CEPT1: variants seen among roughly 807,000 people sequenced by gnomAD.
CEPT1 encodes the protein choline/ethanolaminephosphotransferase 1.
A neutral mutation model predicts 42.6 loss-of-function variants in CEPT1; 7 were observed. The ratio of observed to expected loss-of-function variants is 0.16; its 90% CI spans 0.09 to 0.31. The LOEUF is 0.31. CEPT1 is among the 10% of genes least tolerant of loss of function. The pLI, the probability that CEPT1 is intolerant of heterozygous loss-of-function variation, is 1.00. For synonymous variants in CEPT1, 171 were observed against 171.9 expected (o/e 0.99, Z 0.04); for missense variants, 306 against 502.1 (o/e 0.61, Z 3.73).
chr1:111,160,162 G>C (rs1655793347), intron 3 of CEPT1: 2 of 152,114 alleles, frequency 1.3e-5, no homozygotes, highest in Non-Finnish European at 2.9e-5. Context: ...AGCAATAACT[G>C]AGTTACTCTG....
chr1:111,160,745 T>A (rs1655823673), intron 3 of CEPT1: 1 of 159,498 alleles, frequency 6.3e-6, no homozygotes, highest in East Asian at 1.9e-4. Flanking sequence ...AATATCTGTT[T>A]AAAAAAAAAA....
At chr1:111,181,928 A>G (rs187901172) in intron 5 of CEPT1, 13 of 246,478 alleles carry the variant, frequency 5.3e-5, no homozygotes, top group Non-Finnish European at 8.5e-5. Flanking sequence ...AGCTTGTGAC[A>G]CAAGTTAATA....
chr1:111,177,733 T>A (rs1656755890), intron 5 of CEPT1, among the ~76,000 whole-genome samples: 1 of 152,212 alleles, frequency 6.6e-6, no homozygotes, highest in Non-Finnish European at 1.5e-5. Flanking sequence ...TTAAATTATA[T>A]GTTTTATCTG....
chr1:111,182,745 T>C, intron 6 of CEPT1, 54 bp from the exon 7 acceptor site: 1 of 1,438,584 alleles, frequency 7.0e-7, no homozygotes, highest in South Asian at 1.3e-5. Flanking sequence ...AGCAGATCCA[T>C]GTAGTATCTG....
intron 5 of CEPT1, 119 bp downstream of exon 5, chr1:111,175,082 A>G: frequency 4.4e-6 from 3 of 683,558 alleles, no homozygotes. Flanking sequence ...TTTTCCAAAC[A>G]GTAGAACACA....
chr1:111,183,640 G>A, intron 8 of CEPT1, 53 bp downstream of exon 8: 1 of 1,544,678 alleles, frequency 6.5e-7, no homozygotes, highest in South Asian at 1.2e-5. Context: ...AAGGTTGCTT[G>A]TTTTCTTATT....
At chr1:111,152,646 G>A (rs1403027845) in intron 2 of CEPT1, among the ~76,000 whole-genome samples, 2 of 152,160 alleles carry the variant, frequency 1.3e-5, no homozygotes, top group Non-Finnish European at 2.9e-5. Flanking sequence ...CTAAATTCAG[G>A]TTAGTGGGTA....
At chr1:111,173,631 A>C (rs1345148683) in intron 4 of CEPT1, among the ~76,000 whole-genome samples, 1 of 152,240 alleles carries the variant, frequency 6.6e-6, no homozygotes, top group East Asian at 1.9e-4. Context: ...AAAGGTATAC[A>C]GTGAAAAGTC....
intron 4 of CEPT1, among the ~76,000 whole-genome samples, chr1:111,163,166 C>T (rs989106894): frequency 1.3e-5 from 2 of 151,984 alleles, no homozygotes; most frequent in Non-Finnish European, 1.5e-5. Flanking sequence ...CGGGGGGAAA[C>T]ACTAGATATA....
At chr1:111,158,902 C>CT (rs149230078) in intron 2 of CEPT1, among the ~76,000 whole-genome samples, 10,547 of 55,316 alleles carry the variant, frequency 0.19, 3,962 homozygotes, top group Non-Finnish European at 0.23. Flanking sequence ...TTTTACAATT[C>CT]TTTTTTTTTT....
intron 1 of CEPT1, among the ~76,000 whole-genome samples, chr1:111,145,243 T>G (rs1557919492): frequency 2.6e-5 from 4 of 152,218 alleles, no homozygotes; most frequent in Admixed American, 2.6e-4. Context: ...CTCGAACTCC[T>G]GACCTCAGGT....
intron 1 of CEPT1, chr1:111,140,538 C>T (rs1018032152): frequency 1.5e-4 from 23 of 152,296 alleles, no homozygotes; most frequent in Admixed American, 1.2e-3. Context: ...GCCCCCTTGC[C>T]CCTCTGTGGA....
At chr1:111,164,168 A>G (rs192959541) in intron 4 of CEPT1, among the ~76,000 whole-genome samples, 62 of 152,338 alleles carry the variant, frequency 4.1e-4, no homozygotes, top group African/African-American at 1.4e-3. Context: ...ATTTTAATTC[A>G]TCTGTAACTA....
At chr1:111,150,945 G>T (rs1655236956) in intron 2 of CEPT1, among the ~76,000 whole-genome samples, 1 of 152,040 alleles carries the variant, frequency 6.6e-6, no homozygotes, top group African/African-American at 2.4e-5. Context: ...TTGCAACTTG[G>T]TATATGTTAA....
chr1:111,156,822 C>T (rs1571127595), intron 2 of CEPT1, among the ~76,000 whole-genome samples: 1 of 152,280 alleles, frequency 6.6e-6, no homozygotes, highest in East Asian at 1.9e-4. Flanking sequence ...ATCTTCAGTT[C>T]TGTTTCAAAA....
At chr1:111,146,673 A>G (rs1393843027) in intron 1 of CEPT1, among the ~76,000 whole-genome samples, 1 of 151,896 alleles carries the variant, frequency 6.6e-6, no homozygotes, top group Non-Finnish European at 1.5e-5. Context: ...ATACTCTTGT[A>G]TTTCCTCATG....
intron 7 of CEPT1, among the ~76,000 whole-genome samples, 190 bp downstream of exon 7, chr1:111,183,147 TC>T (rs1465912946): frequency 6.6e-6 from 1 of 152,204 alleles, no homozygotes; most frequent in African/African-American, 2.4e-5. Flanking sequence ...TACTGGAAGT[TC>T]TTGGAAAACA....
At position 111,184,263 on chromosome 1, in the gene CEPT1, C is replaced by T. The variant is rs1245803090; in HGVS notation, c.1204C>T (p.His402Tyr). ...TCAGATTGCGTCTCACCTGCACATA[C>T]ATGTCTTCAGAATCAAGGTCTCTAC... ...CNQIASHLHI[H>Y]VFRIKVSTAH... is the part of the protein sequence containing the mutation. The change falls in exon 9 of 9, where the codon CAT becomes TAT. Residue 402 changes from histidine to tyrosine, a missense_variant. His to Tyr is a moderately conservative substitution (Grantham distance 83). This residue lies in a region of CEPT1 where 253 missense variants were observed against 447.3 expected (regional missense o/e 0.57). Transcript: ENST00000357172. 2 of 1,612,944 alleles carry T rather than the reference C, an allele frequency of 1.2e-6. No individual in the cohort carries two copies. Among genetic ancestry groups the T allele is most frequent in the East Asian group, 4.5e-5 (2 of 44,854 alleles).
intron 2 of CEPT1, among the ~76,000 whole-genome samples, chr1:111,149,856 A>G (rs1007150717): frequency 2.6e-5 from 4 of 152,244 alleles, no homozygotes; most frequent in Non-Finnish European, 5.9e-5. Context: ...AGGATAGTTC[A>G]GCCACTAATA....
Sources: allele counts gnomAD v4.1 joint callset (sites outside exome capture counted in the v4.1 genomes callset), GRCh38; gene constraint gnomAD v4.1.1; regional missense constraint gnomAD v4.1.1; transcripts MANE v1.5; gene names NCBI Gene and HGNC (gene_info 2026-07-23, HGNC 2026-07-21).